The following PTPRD variants were observed in gnomAD, a reference collection of about 807,000 sequenced individuals.
The protein encoded by PTPRD is receptor-type tyrosine-protein phosphatase delta.
PTPRD carries 34 observed loss-of-function variants against 214.5 expected under a neutral mutation model. The ratio of observed to expected loss-of-function variants is 0.16; its 90% CI spans 0.12 to 0.21. The LOEUF (loss-of-function observed/expected upper bound fraction) is 0.21. Among genes scored for constraint, PTPRD ranks in the 10% least tolerant of loss-of-function variants. PTPRD has a pLI of 1.00. For missense variants in PTPRD, 2,545 were observed against 2,398.7 expected (o/e 1.06, Z -1.27); for synonymous variants, 1,128 against 845.7 (o/e 1.33, Z -5.79).
intron 6 of PTPRD, among the ~76,000 whole-genome samples, chr9:9,766,043 T>C (rs918891470): frequency 2.6e-5 from 4 of 152,236 alleles, no homozygotes; most frequent in Non-Finnish European, 5.9e-5. Context: ...TAATAGCTCC[T>C]GTATGTGATA....
At chr9:9,783,972 A>C (rs2098892287) in intron 5 of PTPRD, among the ~76,000 whole-genome samples, 1 of 152,060 alleles carries the variant, frequency 6.6e-6, no homozygotes, top group Admixed American at 6.5e-5. Flanking sequence ...GATTTTAAAT[A>C]GTGGGGAAAA....
intron 2 of PTPRD, among the ~76,000 whole-genome samples, chr9:10,575,924 G>C (rs1428256729): frequency 6.6e-6 from 1 of 152,042 alleles, no homozygotes; most frequent in East Asian, 1.9e-4. Context: ...GATTTTGACT[G>C]GGGAATTATT....
chr9:9,709,113 T>C (rs2097679942), intron 7 of PTPRD, among the ~76,000 whole-genome samples: 1 of 152,020 alleles, frequency 6.6e-6, no homozygotes, highest in South Asian at 2.1e-4. Context: ...ATATAAGTTA[T>C]AAGGTAAGAA....
intron 10 of PTPRD, among the ~76,000 whole-genome samples, chr9:9,131,218 G>A (rs926630366): frequency 4.6e-5 from 7 of 152,066 alleles, no homozygotes; most frequent in Non-Finnish European, 8.8e-5. Context: ...CTACTTACAC[G>A]TTGATGCAAA....
intron 2 of PTPRD, among the ~76,000 whole-genome samples, chr9:10,437,036 T>C (rs1205808300): frequency 6.6e-6 from 1 of 151,776 alleles, no homozygotes; most frequent in Non-Finnish European, 1.5e-5. Flanking sequence ...GATAAGTATA[T>C]ATGCAATAAC....
intron 12 of PTPRD, among the ~76,000 whole-genome samples, chr9:8,697,482 G>T (rs962070733): frequency 7.1e-6 from 1 of 141,754 alleles, no homozygotes. Flanking sequence ...GAGTGCAGTG[G>T]TGTGATCTTG....
In PTPRD at chr9:9,825,306, G is replaced by A. The variant is rs539253109; in HGVS notation, c.-367-58455C>T. On this transcript the variant is annotated intron_variant, in intron 5 of 45. Transcript: ENST00000381196. ...ATATTTAAATATACATTGGCAGGTA[G>A]GAAGAAAGAGAAAGAAAGAGAGAGA... Among the ~76,000 whole-genome samples the A allele has an allele frequency of 9.9e-5, 15 of 151,032 alleles. No individual in the cohort carries two copies. The East Asian group carries it at 2.9e-3, about 29-fold the overall frequency.
chr9:8,317,030 A>G lies in PTPRD; in HGVS notation c.*844T>C. 4.3e-6 allele frequency: 1 copy of G among 231,726 alleles called. No homozygotes were observed. The highest frequency in any genetic ancestry group is 1.3e-3 in the Middle Eastern group (1 of 776). 14.4% of individuals were successfully genotyped at this position (231,726 alleles called of 1,614,324 possible). A position where few individuals can be genotyped will look rare whatever the true frequency, so the allele number is the denominator to read the frequency against. On this transcript the variant is annotated 3_prime_UTR_variant, in exon 46 of 46. Transcript: ENST00000381196. ...CTTTGCGCCTCCCTGTTGATTCCAA[A>G]AACAAAACAAAATAATAATTATCTT...
chr9:9,005,568 T>C (rs1312448975), intron 11 of PTPRD, among the ~76,000 whole-genome samples: 2 of 152,074 alleles, frequency 1.3e-5, no homozygotes, highest in Non-Finnish European at 2.9e-5. Flanking sequence ...TACACTCTTC[T>C]GATCCTTTTG....
intron 2 of PTPRD, among the ~76,000 whole-genome samples, chr9:10,490,414 C>G (rs572466821): frequency 6.6e-6 from 1 of 152,062 alleles, no homozygotes; most frequent in South Asian, 2.1e-4. Flanking sequence ...TTGCCATCAT[C>G]CTAATAGAAG....
chr9:9,614,878 A>G (rs544158863), intron 7 of PTPRD, among the ~76,000 whole-genome samples: 1 of 152,120 alleles, frequency 6.6e-6, no homozygotes, highest in Non-Finnish European at 1.5e-5. Flanking sequence ...TCACTTACCA[A>G]TTTATTGCCT....
At chr9:10,608,342 T>G (rs1377111169) in intron 2 of PTPRD, among the ~76,000 whole-genome samples, 5 of 151,874 alleles carry the variant, frequency 3.3e-5, no homozygotes, top group African/African-American at 4.8e-5. Flanking sequence ...CAGCATAGGG[T>G]CATTTAGAGA....
chr9:9,826,240 T>C (rs1379768953), intron 5 of PTPRD, among the ~76,000 whole-genome samples: 2 of 151,982 alleles, frequency 1.3e-5, no homozygotes, highest in Non-Finnish European at 1.5e-5. Context: ...TATATTTGTT[T>C]GCTCTTATCT....
chr9:10,415,980 C>T (rs573015986), intron 2 of PTPRD, among the ~76,000 whole-genome samples: 10 of 151,828 alleles, frequency 6.6e-5, no homozygotes, highest in African/African-American at 2.2e-4. Flanking sequence ...ACAGCTTTAT[C>T]GAGTTTTAAT....
chr9:9,103,836 G>C (rs2099794739), intron 10 of PTPRD, among the ~76,000 whole-genome samples: 1 of 152,014 alleles, frequency 6.6e-6, no homozygotes, highest in African/African-American at 2.4e-5. Flanking sequence ...CAAAAAATTA[G>C]CTGGGCGTGG....
intron 5 of PTPRD, among the ~76,000 whole-genome samples, chr9:9,926,813 G>C (rs1343879627): frequency 6.6e-6 from 1 of 152,104 alleles, no homozygotes; most frequent in Admixed American, 6.5e-5. Context: ...AGAGATAAAA[G>C]TCACTGAAAT....
At chr9:9,021,315 T>C (rs2099568946) in intron 10 of PTPRD, among the ~76,000 whole-genome samples, 1 of 152,184 alleles carries the variant, frequency 6.6e-6, no homozygotes, top group Non-Finnish European at 1.5e-5. Context: ...ATAGCTGTTG[T>C]AATGTTATAG....
chr9:9,650,757 A>C (rs1594224035), intron 7 of PTPRD, among the ~76,000 whole-genome samples: 1 of 152,246 alleles, frequency 6.6e-6, no homozygotes, highest in East Asian at 1.9e-4. Context: ...ACAAAGCTGC[A>C]CATGTACCTC....
intron 35 of PTPRD, among the ~76,000 whole-genome samples, chr9:8,407,900 G>T (rs1425871797): frequency 6.6e-6 from 1 of 152,204 alleles, no homozygotes; most frequent in African/African-American, 2.4e-5. Context: ...GCTGACAGCA[G>T]TAAACTCAGT....
Sources: gnomAD v4.1 joint callset for allele counts (sites outside exome capture counted in the v4.1 genomes callset) on GRCh38, gnomAD v4.1.1 for gene constraint, MANE v1.5 for transcripts, NCBI Gene and HGNC (gene_info 2026-07-23, HGNC 2026-07-21) for gene names.